Variants in ABCA6 observed in about 807,000 individuals in gnomAD.
ABCA6 encodes ATP-binding cassette sub-family A member 6.
ABCA6 carries 164 observed loss-of-function variants against 191.2 expected under a neutral mutation model. The ratio of observed to expected loss-of-function variants is 0.86; its 90% CI spans 0.76 to 0.98. The LOEUF is 0.98. Among genes scored for constraint, ABCA6 ranks in the 50% least tolerant of loss-of-function variants. ABCA6 has a pLI of 0.00. For missense variants in ABCA6, 1,958 were observed against 1,894.1 expected (o/e 1.03, Z -0.63); for synonymous variants, 636 against 647.7 (o/e 0.98, Z 0.27).
At chr17:69,112,415 A>T in intron 15 of ABCA6, 142 bp from the exon 16 acceptor site, 2 of 591,580 alleles carry the variant, frequency 3.4e-6, no homozygotes, top group Non-Finnish European at 6.0e-6. Flanking sequence ...GCATTTTAAC[A>T]TTTGAAATAC....
At chr17:69,089,734 G>C (rs2072883659) in intron 26 of ABCA6, among the ~76,000 whole-genome samples, 192 bp from the exon 27 acceptor site, 1 of 152,106 alleles carries the variant, frequency 6.6e-6, no homozygotes, top group South Asian at 2.1e-4. Context: ...CTCTCAATAA[G>C]CAAGTAACCT....
At position 69,102,894 on chromosome 17, in the gene ABCA6, T is replaced by C. The variant is rs139888587; in HGVS notation, c.2815A>G (p.Arg939Gly). ...ILLEVDDFEN[R>G]NGTDGLSYNG... ...TATGAGAGGCCATCAGTACCATTTCTGTTTTCAAAGTCATCTACTTCCAAA... is the reference window on the plus strand; with the variant it reads ...TATGAGAGGCCATCAGTACCATTTCCGTTTTCAAAGTCATCTACTTCCAAA... The change falls in exon 21 of 39, where the codon AGA becomes GGA. Residue 939 changes from arginine (R) to glycine (G), a missense_variant. Transcript: ENST00000284425. The C allele has an allele frequency of 9.3e-5, 149 of 1,602,742 alleles. No individual in the cohort carries two copies. The highest frequency in any genetic ancestry group is 1.3e-4 in the African/African-American group (10 of 74,366).
At position 69,119,866 on chromosome 17, in the gene ABCA6, C is replaced by T. The variant is rs74403932; in HGVS notation, c.1437-1910G>A. ...AATTAGAAACAACTAGAATATTTTT[C>T]AATGTCAGAAAAGATAAATAAAAGT... On this transcript the variant is annotated intron_variant, in intron 10 of 38. Coordinates refer to ENST00000284425, the MANE Select transcript of ABCA6 (RefSeq NM_080284.3). Among the ~76,000 whole-genome samples, 14 of 152,062 alleles carry T rather than the reference C, an allele frequency of 9.2e-5. No homozygotes were observed. In the East Asian group the frequency reaches 2.7e-3, roughly 29 times the overall value.
intron 16 of ABCA6, chr17:69,111,519 T>C (rs1456500751): frequency 6.6e-6 from 1 of 152,240 alleles, no homozygotes; most frequent in Non-Finnish European, 1.5e-5. Flanking sequence ...TGAGTTCTCA[T>C]GAGATATGAT....
At chr17:69,128,493 A>T in intron 8 of ABCA6, 126 bp downstream of exon 8, 3 of 619,184 alleles carry the variant, frequency 4.8e-6, no homozygotes, top group Non-Finnish European at 7.3e-6. Flanking sequence ...ATAACATTTT[A>T]AAGCTTAACT....
intron 26 of ABCA6, among the ~76,000 whole-genome samples, chr17:69,090,779 T>C (rs2072905834): frequency 6.6e-6 from 1 of 152,226 alleles, no homozygotes; most frequent in Non-Finnish European, 1.5e-5. Context: ...ACAAATTACC[T>C]GTCAAACCAA....
intron 8 of ABCA6, 92 bp from the exon 9 acceptor site, chr17:69,125,127 T>C (rs919211554): frequency 8.3e-6 from 5 of 604,892 alleles, no homozygotes; most frequent in Admixed American, 4.3e-5. Flanking sequence ...AACTAGCTTT[T>C]TCAAGAGGCA....
At position 69,096,341 on chromosome 17, in the gene ABCA6, G is replaced by C. The variant is rs781256222; in HGVS notation, c.3307C>G (p.Pro1103Ala). 6.8e-7 allele frequency: 1 copy of C among 1,474,144 alleles called. No individual in the cohort carries two copies. Among genetic ancestry groups the C allele is most frequent in the South Asian group, 1.4e-5 (1 of 70,958 alleles). The allele number at this position is 1,474,144 out of a possible 1,614,324, so 91.3% of individuals were successfully genotyped here. ...AAGACAAGAGAAGCTGCATAACCAG[G>C]AGTAACTATAACCTGAGCATAAAAG... ...QIVFALVIVTPGYAASLVFFI... is the reference protein window; with the variant it reads ...QIVFALVIVTAGYAASLVFFI... The change falls in exon 25 of 39, where the codon CCT becomes GCT. Residue 1103 changes from proline to alanine, a missense_variant. By Grantham distance (27) the Pro-to-Ala change is conservative. Coordinates refer to ENST00000284425, the MANE Select transcript of ABCA6 (RefSeq NM_080284.3).
At chr17:69,080,447 T>A (rs1362940356) in intron 37 of ABCA6, among the ~76,000 whole-genome samples, 1 of 152,044 alleles carries the variant, frequency 6.6e-6, no homozygotes, top group Non-Finnish European at 1.5e-5. Flanking sequence ...GGTCTGCTGT[T>A]GGGAATGACG....
chr17:69,083,170 C>T, intron 35 of ABCA6, 42 bp downstream of exon 35: 1 of 1,564,524 alleles, frequency 6.4e-7, no homozygotes. Flanking sequence ...CATGGGAAAT[C>T]TCATTTTGAG....
intron 4 of ABCA6, 145 bp from the exon 5 acceptor site, chr17:69,134,887 T>C (rs529198849): frequency 8.6e-6 from 4 of 464,498 alleles, no homozygotes; most frequent in Non-Finnish European, 1.1e-5. Context: ...GTTGTGGTTG[T>C]CTTTTTTTTT....
At chr17:69,079,978 C>A (rs1262772616) in intron 37 of ABCA6, among the ~76,000 whole-genome samples, 1 of 152,078 alleles carries the variant, frequency 6.6e-6, no homozygotes, top group Non-Finnish European at 1.5e-5. Flanking sequence ...GAGAAGGCCA[C>A]ACTAATAAGG....
chr17:69,116,135 C>T lies in ABCA6; in HGVS notation c.1496-649G>A, dbSNP rs569345531. Among the ~76,000 whole-genome samples the T allele has an allele frequency of 9.2e-5, 14 of 152,170 alleles. No individual in the cohort carries two copies. The South Asian group carries it at 2.1e-3, about 23-fold the overall frequency. ...GGATTTACAGATGTGAGCCACCATG[C>T]CTGGCCTGTAATTTTTAAATGCAAA... On this transcript the variant is annotated intron_variant, in intron 11 of 38. Transcript: ENST00000284425.
chr17:69,136,423 T>C (rs1036947839), intron 3 of ABCA6, among the ~76,000 whole-genome samples, 173 bp from the exon 4 acceptor site: 10 of 152,206 alleles, frequency 6.6e-5, no homozygotes, highest in Non-Finnish European at 1.5e-4. Flanking sequence ...GTTTAGATTC[T>C]ACAGTCAGAA....
Position 69,086,633 on chromosome 17 carries a change from A to C in ABCA6, c.3922T>G (p.Phe1308Val). Residue 1308 changes from phenylalanine (F) to valine (V), a missense_variant, in exon 30 of 39, where the codon TTC becomes GTC. By Grantham distance (50) the Phe-to-Val change is conservative. Transcript: ENST00000284425. ...TATTACAGACCTTCTTGAACACAGA[A>C]AGAGATATTTCTTGCTGCTATTTTC... ...KKKIAARNIS[F>V]CVQEGEILGL... The C allele has an allele frequency of 6.2e-7, 1 of 1,610,484 alleles. No homozygotes were observed. The highest frequency in any genetic ancestry group is 8.5e-7 in the Non-Finnish European group (1 of 1,177,222).
Position 69,089,557 on chromosome 17 carries a change from C to A in ABCA6, c.3529-15G>T. On this transcript the variant is annotated splice_polypyrimidine_tract_variant and intron_variant, in intron 26 of 38. Coordinates refer to ENST00000284425, the MANE Select transcript of ABCA6 (RefSeq NM_080284.3). Reference sequence around the variant, plus strand: ...TCCTGGTCTCTCTGAAAAGACAAAACAAAACACACACACACTAATGATAAT... The same window carrying A: ...TCCTGGTCTCTCTGAAAAGACAAAAAAAAACACACACACACTAATGATAAT... 1 of 1,587,306 alleles carries A rather than the reference C, an allele frequency of 6.3e-7. No homozygotes were observed. Among genetic ancestry groups the A allele is most frequent in the African/African-American group, 1.3e-5 (1 of 74,510 alleles).
At position 69,105,568 on chromosome 17, in the gene ABCA6, C is replaced by T. The variant is rs2144657144; in HGVS notation, c.2634G>A (p.Met878Ile). ...PLIVENIMYAMLNEKIDWEFK... is the reference protein window; with the variant it reads ...PLIVENIMYAILNEKIDWEFK... ...ATTCCCAATCGATCTTTTCATTTAA[C>T]ATAGCATACATTATATTTTCAACAA... Residue 878 changes from methionine (M) to isoleucine (I), a missense_variant, in exon 20 of 39, where the codon ATG becomes ATA. Coordinates refer to ENST00000284425, the MANE Select transcript of ABCA6 (RefSeq NM_080284.3). The T allele has an allele frequency of 6.3e-7, 1 of 1,575,578 alleles. No homozygotes were observed. Among genetic ancestry groups the T allele is most frequent in the Non-Finnish European group, 8.7e-7 (1 of 1,146,940 alleles).
chr17:69,136,026 A>G (rs372337375), intron 4 of ABCA6, 66 bp downstream of exon 4: 60 of 1,475,030 alleles, frequency 4.1e-5, no homozygotes, highest in East Asian at 3.9e-4. Context: ...CTGTTGCCCA[A>G]CCTCCTCTGT....
chr17:69,090,227 C>T (rs888374772), intron 26 of ABCA6, among the ~76,000 whole-genome samples: 1 of 152,212 alleles, frequency 6.6e-6, no homozygotes, highest in Non-Finnish European at 1.5e-5. Context: ...AAGGACACCC[C>T]TGATTACAGA....
Sources: gnomAD v4.1 joint callset for allele counts (sites outside exome capture counted in the v4.1 genomes callset) on GRCh38, gnomAD v4.1.1 for gene constraint, MANE v1.5 for transcripts, NCBI Gene and HGNC (gene_info 2026-07-23, HGNC 2026-07-21) for gene names.